The following CNTLN variants were observed in gnomAD, a reference collection of about 807,000 sequenced individuals.
The protein encoded by CNTLN is centlein, centrosomal protein.
A neutral mutation model predicts 180.0 loss-of-function variants in CNTLN; 212 were observed. The observed-to-expected ratio is 1.18, with a 90% confidence interval of 1.05 to 1.32. The LOEUF is 1.32. Ranked by LOEUF, CNTLN falls within the 40% of genes most tolerant of loss-of-function variation. The pLI, the probability that CNTLN is intolerant of heterozygous loss-of-function variation, is 0.00. For missense variants in CNTLN, 2,095 were observed against 1,610.9 expected (o/e 1.30, Z -5.14); for synonymous variants, 722 against 563.1 (o/e 1.28, Z -3.99).
At chr9:17,211,531 A>G (rs1345669406) in intron 2 of CNTLN, among the ~76,000 whole-genome samples, 2 of 152,136 alleles carry the variant, frequency 1.3e-5, no homozygotes, top group Non-Finnish European at 1.5e-5. Context: ...TTGTCTTGGC[A>G]ATGCGGGCTC....
At chr9:17,400,992 A>AT (rs1269005806) in intron 15 of CNTLN, among the ~76,000 whole-genome samples, 2 of 152,130 alleles carry the variant, frequency 1.3e-5, no homozygotes, top group Non-Finnish European at 2.9e-5. Flanking sequence ...TTATACTGCT[A>AT]TTTTTTAATG....
At chr9:17,433,033 A>AACC (rs1554719645) in intron 18 of CNTLN, among the ~76,000 whole-genome samples, 1 of 150,214 alleles carries the variant, frequency 6.7e-6, no homozygotes, top group East Asian at 2.0e-4. Flanking sequence ...AAAAAAAAAA[A>AACC]AAAAACAAAG....
At chr9:17,264,018 C>G (rs1193034816) in intron 5 of CNTLN, among the ~76,000 whole-genome samples, 1 of 145,492 alleles carries the variant, frequency 6.9e-6, no homozygotes, top group Non-Finnish European at 1.5e-5. Context: ...ATGATAGTTT[C>G]TTTTGCTGTG....
chr9:17,212,768 C>T (rs1437311881), intron 2 of CNTLN, among the ~76,000 whole-genome samples: 1 of 152,122 alleles, frequency 6.6e-6, no homozygotes, highest in Non-Finnish European at 1.5e-5. Context: ...CAACTTCTTC[C>T]TGGTTTAGTC....
intron 1 of CNTLN, among the ~76,000 whole-genome samples, chr9:17,142,081 C>G (rs987500372): frequency 5.1e-5 from 5 of 98,038 alleles, no homozygotes; most frequent in African/African-American, 2.0e-4. Flanking sequence ...GACTCTGTCT[C>G]AGAAAAAAAA....
chr9:17,298,482 A>G (rs1818112115), intron 7 of CNTLN, 130 bp downstream of exon 7: 1 of 1,340,984 alleles, frequency 7.5e-7, no homozygotes, highest in Non-Finnish European at 9.6e-7. Context: ...CTCAAAATTT[A>G]GAAGTGAAGG....
chr9:17,268,000 G>C (rs1435632886), intron 5 of CNTLN, among the ~76,000 whole-genome samples: 1 of 151,862 alleles, frequency 6.6e-6, no homozygotes, highest in Non-Finnish European at 1.5e-5. Flanking sequence ...TTGTAGCTTG[G>C]AGTAGTTTGA....
chr9:17,308,988 A>T, intron 7 of CNTLN, 70 bp from the exon 8 acceptor site: 1 of 1,051,728 alleles, frequency 9.5e-7, no homozygotes, highest in East Asian at 2.6e-5. Context: ...ATACACACAC[A>T]CACACACAGA....
intron 2 of CNTLN, among the ~76,000 whole-genome samples, chr9:17,215,060 G>T (rs917183025): frequency 6.6e-6 from 1 of 152,208 alleles, no homozygotes; most frequent in African/African-American, 2.4e-5. Flanking sequence ...ACTCGTTAAA[G>T]TGATTCTCCA....
At chr9:17,222,977 G>C (rs1824241610) in intron 2 of CNTLN, among the ~76,000 whole-genome samples, 1 of 151,906 alleles carries the variant, frequency 6.6e-6, no homozygotes, top group South Asian at 2.1e-4. Context: ...TAAAAATATA[G>C]TAGTCTGCCT....
intron 18 of CNTLN, among the ~76,000 whole-genome samples, chr9:17,429,253 G>C (rs1829270156): frequency 6.6e-6 from 1 of 151,976 alleles, no homozygotes; most frequent in African/African-American, 2.4e-5. Flanking sequence ...TAATATATAA[G>C]ACTTCTTAGC....
chr9:17,273,857 C>T lies in CNTLN; in HGVS notation c.974C>T (p.Thr325Ile), dbSNP rs777469486. Reference sequence around the variant, plus strand: ...CTTATCCAGAAGGATATGGATATTACCCTGGTCAGGCAAGTATATTCAATT... The same window carrying T: ...CTTATCCAGAAGGATATGGATATTATCCTGGTCAGGCAAGTATATTCAATT... ...TELIQKDMDI[T>I]LVRKELQELQ... Residue 325 changes from threonine to isoleucine, a missense_variant, in exon 6 of 26, where the codon ACC becomes ATC. Physicochemically the swap from Thr to Ile is moderately conservative, Grantham distance 89. Coordinates refer to ENST00000380647, the MANE Select transcript of CNTLN (RefSeq NM_017738.4). The T allele has an allele frequency of 2.6e-6, 4 of 1,552,142 alleles. No homozygotes were observed. The South Asian group carries it at 5.0e-5, about 19-fold the overall frequency.
rs1831778135 is a variant in CNTLN at position 17,466,817 on chromosome 9, C to G, written c.3781C>G (p.Gln1261Glu). 6.2e-7 allele frequency: 1 copy of G among 1,610,926 alleles called. No individual in the cohort carries two copies. The highest frequency in any genetic ancestry group is 1.3e-5 in the African/African-American group (1 of 74,638). The change falls in exon 23 of 26, where the codon CAG becomes GAG. Residue 1261 changes from glutamine to glutamate, a missense_variant. Transcript: ENST00000380647. ...QLQELALQSE[Q>E]VLEGAQKTLL... ...TCAAGAATTAGCATTGCAAAGTGAACAGGTCCTAGAAGGTGCACAGAAGAC... is the reference window on the plus strand; with the variant it reads ...TCAAGAATTAGCATTGCAAAGTGAAGAGGTCCTAGAAGGTGCACAGAAGAC...
intron 8 of CNTLN, among the ~76,000 whole-genome samples, chr9:17,318,253 T>TCGTGATCCGTTAGCCAAGA (rs1819665720): frequency 6.6e-6 from 1 of 152,010 alleles, no homozygotes; most frequent in Admixed American, 6.6e-5. Context: ...ATGGTCTCGG[T>TCGTGATCCGTTAGCCAAGA]TTCCTGACCT....
intron 14 of CNTLN, among the ~76,000 whole-genome samples, chr9:17,394,138 C>T (rs10283690): frequency 0.49 from 74,741 of 151,812 alleles, 19,699 homozygotes; most frequent in Non-Finnish European, 0.59. Context: ...ATATGATTGT[C>T]GAATATTGAA....
chr9:17,523,574 T>C, the CNTLN span, among the ~76,000 whole-genome samples: 2 of 152,126 alleles, frequency 1.3e-5, no homozygotes, highest in African/African-American at 2.4e-5. Flanking sequence ...CTAGTGAAAA[T>C]AAATATAGAT....
At chr9:17,345,400 T>C (rs1349452705) in intron 12 of CNTLN, among the ~76,000 whole-genome samples, 1 of 152,136 alleles carries the variant, frequency 6.6e-6, no homozygotes, top group Non-Finnish European at 1.5e-5. Context: ...TAGAGCTAAG[T>C]CTGCCATGTT....
intron 18 of CNTLN, among the ~76,000 whole-genome samples, chr9:17,427,581 CAA>C (rs1829170542): frequency 6.6e-6 from 1 of 152,012 alleles, no homozygotes; most frequent in Admixed American, 6.6e-5. Flanking sequence ...AGAACAAAGA[CAA>C]ATCATACTAA....
chr9:17,485,120 T>C (rs1832830876), intron 24 of CNTLN, among the ~76,000 whole-genome samples: 2 of 152,142 alleles, frequency 1.3e-5, no homozygotes, highest in African/African-American at 2.4e-5. Flanking sequence ...CGCAGTCTTT[T>C]GCGAAACATG....
Sources: allele counts gnomAD v4.1 joint callset (sites outside exome capture counted in the v4.1 genomes callset), GRCh38; gene constraint gnomAD v4.1.1; transcripts MANE v1.5; gene names NCBI Gene and HGNC (gene_info 2026-07-23, HGNC 2026-07-21).